FAM222A: variants seen among roughly 807,000 people sequenced by gnomAD.
FAM222A encodes the protein family with sequence similarity 222 member A, also known as protein FAM222A.
In FAM222A, 7 loss-of-function variants were observed where a neutral mutation model predicts 25.8. The observed-to-expected ratio is 0.27, with a 90% CI of 0.15 to 0.51. The LOEUF (loss-of-function observed/expected upper bound fraction) is 0.51, where lower values mean the gene tolerates loss of function less well. Ranked by LOEUF, FAM222A falls within the 20% of genes least tolerant of loss-of-function variation. The pLI is 0.97. For missense variants in FAM222A, 573 were observed against 640.5 expected, an observed-to-expected ratio of 0.89 and a Z score of 1.14; for synonymous variants, 294 against 298.8, an observed-to-expected ratio of 0.98 and a Z score of 0.17.
At chr12:109,739,270 T>C (rs908554124) in intron 1 of FAM222A, among the ~76,000 whole-genome samples, 1 of 152,298 alleles carries the variant, frequency 6.6e-6, no homozygotes, top group Non-Finnish European at 1.5e-5. Flanking sequence ...CGAGGGAAAG[T>C]TCCAGATGCC....
In FAM222A at chr12:109,769,106, A is replaced by T. The variant is rs1194573659; in HGVS notation, c.1177A>T (p.Ser393Cys). The change falls in exon 3 of 3, where the codon AGC (serine) becomes TGC (cysteine). Residue 393 changes from serine (S) to cysteine (C), a missense_variant. Around this residue, in one of 3 missense-constraint regions of FAM222A, gnomAD observed 412 missense variants for 407.0 expected, o/e 1.01. Coordinates refer to ENST00000538780, the MANE Select transcript of FAM222A (RefSeq NM_032829.3). ...TGCAGATGCCCTCTCGGGCCTGCCC[A>T]GCAAGAGTGTGTGCAACACATCGGT... ...PPADALSGLP[S>C]KSVCNTSVLS... 13 of 1,610,506 alleles carry T rather than the reference A, an allele frequency of 8.1e-6. No homozygotes were observed. The highest frequency in any genetic ancestry group is 1.1e-5 in the Non-Finnish European group (13 of 1,179,052).
rs540689300 is a variant in FAM222A at position 109,755,287 on chromosome 12, CTTTTTTTTTTTTTTTTTTTTTTTTT to C, written c.82+11077_82+11101del. 1.4e-3 allele frequency among the ~76,000 whole-genome samples: 68 copies of C among 49,424 alleles called. 1 individual carries two copies. Among genetic ancestry groups the C allele is most frequent in the African/African-American group, 5.9e-3 (66 of 11,196 alleles). 32.4% of individuals were successfully genotyped at this position (49,424 alleles called of 152,430 possible). ...TCTTCCATTTAGGTCTGTAATTCTTCTTTTTTTTTTTTTTTTTTTTTTTTTTTTTTTTTTTTTTTTTTGAGACAGA... is the reference window on the plus strand; with the variant it reads ...TCTTCCATTTAGGTCTGTAATTCTTCTTTTTTTTTTTTTTTTTGAGACAGA... On this transcript the variant is annotated intron_variant, in intron 2 of 2. Coordinates refer to ENST00000538780, the MANE Select transcript of FAM222A (RefSeq NM_032829.3).
rs901568516 is a variant in FAM222A at position 109,744,799 on chromosome 12, A to G, written c.82+571A>G. On this transcript the variant is annotated intron_variant, in intron 2 of 2. Coordinates refer to ENST00000538780, the MANE Select transcript of FAM222A (RefSeq NM_032829.3). ...GAAGTACTTAGAAACGGAGATTTGC[A>G]TTAAAATATGGATTTCTACTATCTC... 57 of 983,124 alleles carry G rather than the reference A, an allele frequency of 5.8e-5. No individual in the cohort carries two copies. The Admixed American group carries it at 2.0e-3, about 34-fold the overall frequency. 60.9% of individuals were successfully genotyped at this position (983,124 alleles called of 1,614,324 possible). A position where few individuals can be genotyped will look rare whatever the true frequency, so the allele number is the denominator to read the frequency against.
intron 1 of FAM222A, among the ~76,000 whole-genome samples, chr12:109,738,125 C>T (rs11068050): frequency 0.18 from 27,640 of 152,048 alleles, 2,721 homozygotes; most frequent in Middle Eastern, 0.28. Context: ...ATCTTCCTGT[C>T]GTGGGAGCCC....
At chr12:109,719,664 G>T (rs965442816) in intron 1 of FAM222A, among the ~76,000 whole-genome samples, 3 of 152,172 alleles carry the variant, frequency 2.0e-5, no homozygotes, top group Non-Finnish European at 4.4e-5. Context: ...CCCCAGCATG[G>T]AGTAAATGGG....
intron 1 of FAM222A, among the ~76,000 whole-genome samples, chr12:109,728,199 C>T (rs1290883584): frequency 6.6e-6 from 1 of 152,104 alleles, no homozygotes; most frequent in African/African-American, 2.4e-5. Context: ...GTGGGTGGGT[C>T]GTGGGTGTTG....
At chr12:109,759,480 A>G (rs184859023) in intron 2 of FAM222A, among the ~76,000 whole-genome samples, 65 of 152,280 alleles carry the variant, frequency 4.3e-4, no homozygotes, top group Non-Finnish European at 7.8e-4. Flanking sequence ...GTGTCTCCCT[A>G]TAGCAACATT....
At chr12:109,756,986 G>C (rs1349462077) in intron 2 of FAM222A, among the ~76,000 whole-genome samples, 1 of 152,156 alleles carries the variant, frequency 6.6e-6, no homozygotes, top group Non-Finnish European at 1.5e-5. Context: ...ATTGTTGGTA[G>C]TGTTTTGATT....
intron 2 of FAM222A, among the ~76,000 whole-genome samples, chr12:109,756,581 T>C (rs1463920890): frequency 6.6e-6 from 1 of 152,180 alleles, no homozygotes; most frequent in African/African-American, 2.4e-5. Flanking sequence ...GGATATTGAT[T>C]TGGCAAATGC....
chr12:109,759,188 C>T (rs1344552), intron 2 of FAM222A, among the ~76,000 whole-genome samples: 3 of 152,076 alleles, frequency 2.0e-5, no homozygotes, highest in Non-Finnish European at 4.4e-5. Flanking sequence ...CTTGGACAGG[C>T]GACTTGCCCT....
At chr12:109,728,719 A>G (rs1314919699) in intron 1 of FAM222A, among the ~76,000 whole-genome samples, 1 of 152,210 alleles carries the variant, frequency 6.6e-6, no homozygotes, top group African/African-American at 2.4e-5. Flanking sequence ...AGTGTGGCAC[A>G]TGGTAGGCGT....
rs928177259 is a variant in FAM222A at position 109,740,483 on chromosome 12, G to C, written c.-46-3618G>C. Among the ~76,000 whole-genome samples the C allele has an allele frequency of 3.3e-5, 5 of 152,210 alleles. No homozygotes were observed. The East Asian group carries it at 9.6e-4, about 29-fold the overall frequency. ...GCTCCCTGGATGGTGCTTGGCCAGG[G>C]GGGTAATGAGTCCAGGCGGGGACTC... is the stretch of plus-strand genomic sequence containing the variant. On this transcript the variant is annotated intron_variant, in intron 1 of 2. Coordinates refer to ENST00000538780, the MANE Select transcript of FAM222A (RefSeq NM_032829.3).
rs370697271 is a variant in FAM222A, at chr12:109,733,523, C to T, written c.-46-10578C>T. On this transcript the variant is annotated intron_variant, in intron 1 of 2. Transcript: ENST00000538780. ...GGTTCACGCCATTCTCCTGCCTCAG[C>T]CTCCTGAGTAGCTGGGACTACAGGC... is the stretch of plus-strand genomic sequence containing the variant. Among the ~76,000 whole-genome samples the T allele has an allele frequency of 2.6e-4, 40 of 152,156 alleles. 1 individual carries two copies. The East Asian group carries it at 5.8e-3, about 22-fold the overall frequency.
chr12:109,737,113 C>T (rs545684560), intron 1 of FAM222A, among the ~76,000 whole-genome samples: 1 of 152,078 alleles, frequency 6.6e-6, no homozygotes, highest in African/African-American at 2.4e-5. Flanking sequence ...CCTCAGGAAC[C>T]CGGACTCCAA....
Position 109,768,312 on chromosome 12 carries a change from G to A in FAM222A, c.383G>A (p.Ser128Asn). Reference sequence around the variant, plus strand: ...GGGCCCGCCAAAAGTGTGCTCAAGAGCGCCGAGGGCAAGCGGACCAAGCTG... The same window carrying A: ...GGGCCCGCCAAAAGTGTGCTCAAGAACGCCGAGGGCAAGCGGACCAAGCTG... Reference protein sequence around the residue: ...PAGPAKSVLKSAEGKRTKLSP... With the variant: ...PAGPAKSVLKNAEGKRTKLSP... Residue 128 changes from serine to asparagine, a missense_variant, in exon 3 of 3, where the codon AGC (serine) becomes AAC (asparagine). Around this residue, in one of 3 missense-constraint regions of FAM222A, gnomAD observed 412 missense variants for 407.0 expected, o/e 1.01. Transcript: ENST00000538780. 2 of 1,605,374 alleles carry A rather than the reference G, an allele frequency of 1.2e-6. No homozygotes were observed. Among genetic ancestry groups the A allele is most frequent in the Non-Finnish European group, 1.7e-6 (2 of 1,177,262 alleles).
intron 1 of FAM222A, among the ~76,000 whole-genome samples, chr12:109,739,324 A>T (rs73407762): frequency 0.011 from 1,636 of 152,348 alleles, 30 homozygotes; most frequent in African/African-American, 0.035. Context: ...GGTCAGGAAC[A>T]TTCATTTTTA....
At chr12:109,732,738 G>A (rs1887977182) in intron 1 of FAM222A, among the ~76,000 whole-genome samples, 1 of 152,194 alleles carries the variant, frequency 6.6e-6, no homozygotes, top group African/African-American at 2.4e-5. Flanking sequence ...CCCCACACAC[G>A]TGTACACACA....
At chr12:109,733,489 C>T (rs1032677603) in intron 1 of FAM222A, among the ~76,000 whole-genome samples, 55 of 151,874 alleles carry the variant, frequency 3.6e-4, no homozygotes, top group Non-Finnish European at 1.8e-4. Flanking sequence ...CTGTAAGCTC[C>T]GCCTCCCGGG....
At chr12:109,766,206 C>A (rs1378464160) in intron 2 of FAM222A, among the ~76,000 whole-genome samples, 1 of 152,202 alleles carries the variant, frequency 6.6e-6, no homozygotes, top group Non-Finnish European at 1.5e-5. Flanking sequence ...CAGGGCCATT[C>A]CATCTGCCTC....
Sources: gnomAD v4.1 joint callset for allele counts (sites outside exome capture counted in the v4.1 genomes callset) on GRCh38, gnomAD v4.1.1 for gene constraint, gnomAD v4.1.1 regional missense constraint, MANE v1.5 for transcripts, NCBI Gene and HGNC (gene_info 2026-07-23, HGNC 2026-07-21) for gene names.